Variants in COPA observed in about 807,000 individuals in gnomAD.
COPA encodes the protein coatomer subunit alpha.
Under a neutral mutation model 158.7 loss-of-function variants are expected in COPA, and 10 were observed. That is an observed-to-expected ratio of 0.06 (90% CI 0.04 to 0.11). The LOEUF (loss-of-function observed/expected upper bound fraction) is 0.11, where lower values mean the gene tolerates loss of function less well. Among genes scored for constraint, COPA ranks in the 10% least tolerant of loss-of-function variants. COPA has a pLI of 1.00. For synonymous variants in COPA, 462 were observed against 542.8 expected (o/e 0.85, Z 2.07); for missense variants, 1,065 against 1,536.7 (o/e 0.69, Z 5.13).
Position 160,294,847 on chromosome 1 carries a change from T to C in COPA, c.2487A>G (p.Gly829=). The change falls in exon 24 of 33, where the codon GGA becomes GGG. Residue 829 remains glycine (G), a synonymous_variant. Coordinates refer to ENST00000241704, the MANE Select transcript of COPA (RefSeq NM_004371.4). ...EGTIASKGKG[G]ALAADIDIDT... ...CAATGTCAATGTCAGCAGCCAGTGC[T>C]CCTCCCTTCCCTACAGAGGGAAGGA... The C allele has an allele frequency of 6.2e-7, 1 of 1,614,008 alleles. No individual in the cohort carries two copies. Among genetic ancestry groups the C allele is most frequent in the Non-Finnish European group, 8.5e-7 (1 of 1,179,962 alleles).
intron 3 of COPA, among the ~76,000 whole-genome samples, chr1:160,335,678 T>TC (rs1647724775): frequency 6.6e-6 from 1 of 150,794 alleles, no homozygotes; most frequent in African/African-American, 2.4e-5. Flanking sequence ...GGTCAGGAGA[T>TC]CGAGACCATC....
At chr1:160,308,026 C>G (rs1658845746) in intron 13 of COPA, among the ~76,000 whole-genome samples, 1 of 152,140 alleles carries the variant, frequency 6.6e-6, no homozygotes. Context: ...TTCCAGGGGC[C>G]AGGAATCTGC....
Position 160,291,293 on chromosome 1 carries a change from C to G in COPA, c.3420+42G>C, listed in dbSNP as rs757684684. ...TTGGTCTGCTCCCTCCATGTAAGAG[C>G]TGATCTGGCTTCCCTATGGTCACTG... On this transcript the variant is annotated intron_variant, in intron 31 of 32. Transcript: ENST00000241704. 160 of 1,607,444 alleles carry G rather than the reference C, an allele frequency of 1.0e-4. 1 individual carries two copies. The South Asian group carries it at 1.7e-3, about 17-fold the overall frequency.
chr1:160,290,404 G>T, intron 32 of COPA, 88 bp downstream of exon 32: 1 of 1,486,222 alleles, frequency 6.7e-7, no homozygotes, highest in Non-Finnish European at 9.2e-7. Context: ...CAGGGGACAA[G>T]CACAAGAAGA....
At position 160,291,238 on chromosome 1, in the gene COPA, A is replaced by T; in HGVS notation, c.3420+97T>A. Reference sequence around the variant, plus strand: ...TGTTGGCTTTTTGTTGAATGTTGTTATTTATTGCTTTGTTTCAGAGGCAAG... The same window carrying T: ...TGTTGGCTTTTTGTTGAATGTTGTTTTTTATTGCTTTGTTTCAGAGGCAAG... On this transcript the variant is annotated intron_variant, in intron 31 of 32. Transcript: ENST00000241704. The T allele has an allele frequency of 3.0e-6, 4 of 1,345,200 alleles. 1 individual carries two copies. The highest frequency in any genetic ancestry group is 1.5e-5 in the African/African-American group (1 of 68,608). 83.3% of individuals were successfully genotyped at this position (1,345,200 alleles called of 1,614,324 possible). A position where few individuals can be genotyped will look rare whatever the true frequency, so the allele number is the denominator to read the frequency against.
intron 25 of COPA, 87 bp downstream of exon 25, chr1:160,294,397 C>T (rs1658334581): frequency 6.0e-6 from 7 of 1,163,766 alleles, no homozygotes; most frequent in Non-Finnish European, 9.0e-6. Context: ...GATAGGAGAC[C>T]TGAGGATAGT....
intron 8 of COPA, chr1:160,317,552 A>G: frequency 6.2e-7 from 1 of 1,606,034 alleles, no homozygotes; most frequent in Non-Finnish European, 8.5e-7. Flanking sequence ...AAAGAATCAT[A>G]CTGTCAAAGA....
At position 160,292,132 on chromosome 1, in the gene COPA, C is replaced by T. The variant is rs1658258456; in HGVS notation, c.3027G>A (p.Arg1009=). The T allele has an allele frequency of 1.2e-6, 2 of 1,614,122 alleles. No individual in the cohort carries two copies. Among genetic ancestry groups the T allele is most frequent in the Non-Finnish European group, 1.7e-6 (2 of 1,180,046 alleles). The change falls in exon 29 of 33, where the codon CGG becomes CGA. Residue 1009 remains arginine (R), a synonymous_variant. Transcript: ENST00000241704. ...VGLKLNDLIQ[R]LQLCYQLTTV... ...TGGTGAGCTGGTAGCACAGCTGCAA[C>T]CGTTGGATGAGGTCATTAAGCTTCA...
chr1:160,316,852 T>C (rs903194253), intron 8 of COPA, among the ~76,000 whole-genome samples: 1 of 151,618 alleles, frequency 6.6e-6, no homozygotes, highest in African/African-American at 2.4e-5. Context: ...TTTCCAAAAC[T>C]TGAGGAAGAA....
intron 29 of COPA, 27 bp from the exon 30 acceptor site, chr1:160,291,956 A>G: frequency 6.2e-7 from 1 of 1,614,138 alleles, no homozygotes; most frequent in East Asian, 2.2e-5. Context: ...AGGTCAGGAT[A>G]CAGAGACAAG....
In COPA at chr1:160,305,424, T is replaced by C. The variant is rs375429812; in HGVS notation, c.1667+9A>G. ...TTCTCCCATTCTGTATCCCAGATAA[T>C]TAACTTACCCAGTGGTGACAGCATA... On this transcript the variant is annotated intron_variant, in intron 17 of 32. Transcript: ENST00000241704. 572 of 1,613,384 alleles carry C rather than the reference T, an allele frequency of 3.5e-4. 1 individual carries two copies. The highest frequency in any genetic ancestry group is 4.7e-4 in the Non-Finnish European group (557 of 1,179,550).
intron 15 of COPA, 70 bp downstream of exon 15, chr1:160,306,284 A>T (rs1413260062): frequency 4.5e-5 from 67 of 1,497,536 alleles, no homozygotes; most frequent in Non-Finnish European, 6.0e-5. Flanking sequence ...TGGGGAAAAA[A>T]GGTTCCCACT....
intron 4 of COPA, 106 bp from the exon 5 acceptor site, chr1:160,333,785 A>G: frequency 1.3e-6 from 1 of 784,224 alleles, no homozygotes; most frequent in South Asian, 2.0e-5. Flanking sequence ...CGGCTCAGCT[A>G]CATTAGCAAA....
At chr1:160,324,549 C>T (rs917434855) in intron 7 of COPA, among the ~76,000 whole-genome samples, 4 of 150,840 alleles carry the variant, frequency 2.7e-5, no homozygotes, top group Non-Finnish European at 4.4e-5. Flanking sequence ...CCTCTGGCCT[C>T]GGTCTCCCAA....
intron 17 of COPA, among the ~76,000 whole-genome samples, chr1:160,300,459 ATAG>A (rs1366360122): frequency 2.6e-5 from 4 of 152,040 alleles, no homozygotes; most frequent in African/African-American, 9.6e-5. Context: ...GAAAACACCT[ATAG>A]TCCTATAATG....
intron 2 of COPA, 97 bp from the exon 3 acceptor site, chr1:160,340,079 C>T (rs1647966622): frequency 2.7e-6 from 4 of 1,507,254 alleles, no homozygotes; most frequent in Admixed American, 3.4e-5. Flanking sequence ...ATCATTTCCA[C>T]ATTCTTTAAT....
chr1:160,308,820 TGAC>T, intron 13 of COPA: 1 of 354,702 alleles, frequency 2.8e-6, no homozygotes. Flanking sequence ...TCATATCAAC[TGAC>T]AATAAACTAG....
chr1:160,332,145 T>A (rs74123109), intron 6 of COPA, among the ~76,000 whole-genome samples: 2,512 of 152,250 alleles, frequency 0.016, 69 homozygotes, highest in African/African-American at 0.057. Flanking sequence ...CTTATTTGAG[T>A]GGAAAGCATG....
chr1:160,310,149 TG>T, intron 12 of COPA, 42 bp downstream of exon 12: 1 of 1,285,464 alleles, frequency 7.8e-7, no homozygotes, highest in Non-Finnish European at 1.1e-6. Flanking sequence ...AAGAGACCTA[TG>T]GAAAATGAGG....
Sources: gnomAD v4.1 joint callset for allele counts (sites outside exome capture counted in the v4.1 genomes callset) on GRCh38, gnomAD v4.1.1 for gene constraint, MANE v1.5 for transcripts, NCBI Gene and HGNC (gene_info 2026-07-23, HGNC 2026-07-21) for gene names.